Variants in CAB39L observed in about 807,000 individuals in gnomAD.
CAB39L encodes calcium-binding protein 39-like.
A neutral mutation model predicts 39.1 loss-of-function variants in CAB39L; 23 were observed. The ratio of observed to expected loss-of-function variants is 0.59; its 90% CI spans 0.42 to 0.83. The LOEUF is 0.83. Among genes scored for constraint, CAB39L ranks in the 40% least tolerant of loss-of-function variants. CAB39L has a pLI of 0.00. For synonymous variants in CAB39L, 126 were observed against 137.2 expected (o/e 0.92, Z 0.57); for missense variants, 366 against 391.9 (o/e 0.93, Z 0.56).
chr13:49,426,814 T>C (rs935160237), intron 3 of CAB39L, among the ~76,000 whole-genome samples: 2 of 152,224 alleles, frequency 1.3e-5, no homozygotes, highest in African/African-American at 4.8e-5. Context: ...TCATGTGAAC[T>C]GCACTGCAGC....
At chr13:49,364,891 A>G (rs9526547) in intron 5 of CAB39L, among the ~76,000 whole-genome samples, 35,309 of 152,084 alleles carry the variant, frequency 0.23, 4,369 homozygotes, top group Middle Eastern at 0.3. Flanking sequence ...TACAGGTTCA[A>G]TGCAATCCCT....
intron 3 of CAB39L, among the ~76,000 whole-genome samples, chr13:49,424,966 A>G (rs1298771771): frequency 6.6e-6 from 1 of 152,174 alleles, no homozygotes; most frequent in Non-Finnish European, 1.5e-5. Flanking sequence ...TTATAAAGCT[A>G]CGATTGACAA....
chr13:49,385,736 G>T (rs577923798), intron 3 of CAB39L, among the ~76,000 whole-genome samples: 1 of 152,310 alleles, frequency 6.6e-6, no homozygotes, highest in South Asian at 2.1e-4. Flanking sequence ...TGAGACAGGG[G>T]AACGGCCAGT....
chr13:49,402,842 T>C (rs765238483), intron 3 of CAB39L, among the ~76,000 whole-genome samples: 1 of 152,174 alleles, frequency 6.6e-6, no homozygotes, highest in African/African-American at 2.4e-5. Flanking sequence ...TAGAGATTAG[T>C]CTGCCAATTT....
At chr13:49,407,861 C>CAAAAA (rs35392956) in intron 3 of CAB39L, among the ~76,000 whole-genome samples, 5 of 114,100 alleles carry the variant, frequency 4.4e-5, no homozygotes, top group African/African-American at 1.4e-4. Context: ...GACCCCGTCT[C>CAAAAA]AAAAAAAAAA....
intron 3 of CAB39L, among the ~76,000 whole-genome samples, chr13:49,395,361 G>A (rs760739871): frequency 1.2e-4 from 18 of 151,220 alleles, no homozygotes; most frequent in Non-Finnish European, 2.5e-4. Context: ...TCAGCCTCCC[G>A]AGTAGCTGGG....
intron 3 of CAB39L, among the ~76,000 whole-genome samples, chr13:49,389,063 G>A (rs563842488): frequency 2.2e-4 from 34 of 152,240 alleles, no homozygotes; most frequent in African/African-American, 7.9e-4. Flanking sequence ...TAAAAAAGAA[G>A]AAAGAAAAGT....
intron 3 of CAB39L, among the ~76,000 whole-genome samples, chr13:49,405,402 C>G (rs1216330076): frequency 1.3e-5 from 2 of 149,976 alleles, no homozygotes; most frequent in East Asian, 3.9e-4. Context: ...ATTTCATCAA[C>G]CCAGACCTGT....
chr13:49,321,192 G>A (rs1276111432), intron 10 of CAB39L, among the ~76,000 whole-genome samples: 1 of 152,116 alleles, frequency 6.6e-6, no homozygotes, highest in Non-Finnish European at 1.5e-5. Context: ...GTGAATATCT[G>A]GTGTATGTAT....
intron 9 of CAB39L, among the ~76,000 whole-genome samples, chr13:49,338,918 A>T (rs1320127921): frequency 1.3e-5 from 2 of 152,154 alleles, no homozygotes; most frequent in African/African-American, 4.8e-5. Flanking sequence ...GTGATGAAAT[A>T]TAGCATAAAA....
At position 49,309,580 on chromosome 13, in the gene CAB39L, T is replaced by C. The variant is rs1953930263; in HGVS notation, c.*1234A>G. On this transcript the variant is annotated 3_prime_UTR_variant, in exon 11 of 11. Coordinates refer to ENST00000409308, the MANE Select transcript of CAB39L (RefSeq NM_001079670.3). ...AAAATATCGCTTTAAAATCCCGTTTTAGATGGTTGATGTCTGAAACGAAAC... is the reference window on the plus strand; with the variant it reads ...AAAATATCGCTTTAAAATCCCGTTTCAGATGGTTGATGTCTGAAACGAAAC... 6.6e-6 allele frequency: 1 copy of C among 152,266 alleles called. No individual in the cohort carries two copies. The highest frequency in any genetic ancestry group is 6.5e-5 in the Admixed American group (1 of 15,290). The allele number at this position is 152,266 out of a possible 1,614,324, so 9.4% of individuals were successfully genotyped here.
rs557958025 is a variant in CAB39L at position 49,405,811 on chromosome 13, T to C, written c.-31-22870A>G. On this transcript the variant is annotated intron_variant, in intron 3 of 10. Coordinates refer to ENST00000409308, the MANE Select transcript of CAB39L (RefSeq NM_001079670.3). ...GGAGGAGGGAGGGACATATACTCAA[T>C]GGAATAATATTCAGCTATAAAAAAG... Among the ~76,000 whole-genome samples the C allele has an allele frequency of 4.3e-4, 64 of 149,470 alleles. 1 individual carries two copies. The highest frequency in any genetic ancestry group is 3.5e-3 in the Middle Eastern group (1 of 286).
Position 49,310,791 on chromosome 13 carries a change from T to A in CAB39L, c.*23A>T. The A allele has an allele frequency of 6.2e-7, 1 of 1,609,888 alleles. No individual in the cohort carries two copies. Among genetic ancestry groups the A allele is most frequent in the Non-Finnish European group, 8.5e-7 (1 of 1,177,436 alleles). On this transcript the variant is annotated 3_prime_UTR_variant, in exon 11 of 11. Coordinates refer to ENST00000409308, the MANE Select transcript of CAB39L (RefSeq NM_001079670.3). ...AAACTGGACAAATGAGACGACTGAC[T>A]GTGACAGGGGCCGGGGAGCTCTTCA...
At chr13:49,407,861 C>CAAAAAAAAAAA (rs35392956) in intron 3 of CAB39L, among the ~76,000 whole-genome samples, 1 of 114,106 alleles carries the variant, frequency 8.8e-6, no homozygotes, top group Non-Finnish European at 1.7e-5. Context: ...GACCCCGTCT[C>CAAAAAAAAAAA]AAAAAAAAAA....
At chr13:49,371,099 G>T (rs1566096502) in intron 5 of CAB39L, among the ~76,000 whole-genome samples, 1 of 151,666 alleles carries the variant, frequency 6.6e-6, no homozygotes, top group Non-Finnish European at 1.5e-5. Flanking sequence ...AGTTAAAGCT[G>T]GTATTTTAAG....
At chr13:49,364,696 GC>G (rs1181441843) in intron 5 of CAB39L, among the ~76,000 whole-genome samples, 1 of 151,798 alleles carries the variant, frequency 6.6e-6, no homozygotes, top group Non-Finnish European at 1.5e-5. Flanking sequence ...ATTTATAATA[GC>G]AACAAATAAA....
intron 3 of CAB39L, chr13:49,413,660 G>A (rs1271743099): frequency 6.6e-6 from 1 of 152,148 alleles, no homozygotes; most frequent in Non-Finnish European, 1.5e-5. Context: ...CTGGAGAGAG[G>A]TAAAAAGCTA....
In CAB39L at chr13:49,320,072, G is replaced by A. The variant is rs192732023; in HGVS notation, c.835-9079C>T. On this transcript the variant is annotated intron_variant, in intron 10 of 10. Coordinates refer to ENST00000409308, the MANE Select transcript of CAB39L (RefSeq NM_001079670.3). ...TTTTTTATGGCTTCTGAACTCTGCCGCCTCTAAAAGTAGTTGCTGACTGGA... is the reference window on the plus strand; with the variant it reads ...TTTTTTATGGCTTCTGAACTCTGCCACCTCTAAAAGTAGTTGCTGACTGGA... 1.6e-4 allele frequency among the ~76,000 whole-genome samples: 25 copies of A among 151,984 alleles called. No homozygotes were observed. In the South Asian group the frequency reaches 2.1e-3, roughly 13 times the overall value.
At chr13:49,383,292 C>T (rs1022177660) in intron 3 of CAB39L, among the ~76,000 whole-genome samples, 1 of 151,836 alleles carries the variant, frequency 6.6e-6, no homozygotes, top group African/African-American at 2.4e-5. Context: ...TAATGTTTAG[C>T]TATATGTATT....
Sources: allele counts gnomAD v4.1 joint callset (sites outside exome capture counted in the v4.1 genomes callset), GRCh38; gene constraint gnomAD v4.1.1; transcripts MANE v1.5; gene names NCBI Gene and HGNC (gene_info 2026-07-23, HGNC 2026-07-21).